ALPI: variants seen among roughly 807,000 people sequenced by gnomAD.
ALPI encodes the protein intestinal-type alkaline phosphatase.
A neutral mutation model predicts 51.5 loss-of-function variants in ALPI; 50 were observed. The observed-to-expected ratio is 0.97, with a 90% CI of 0.77 to 1.23. ALPI has a LOEUF of 1.23. ALPI is among the 50% of genes most tolerant of loss of function. ALPI has a pLI of 0.00. For synonymous variants in ALPI, 322 were observed against 308.2 expected, an observed-to-expected ratio of 1.04 and a Z score of -0.47; for missense variants, 692 against 722.4, an observed-to-expected ratio of 0.96 and a Z score of 0.48.
Position 232,460,711 on chromosome 2 carries a change from T to C in ALPI, c.*1565T>C, listed in dbSNP as rs1054028879. Among the ~76,000 whole-genome samples the C allele has an allele frequency of 4.6e-5, 7 of 152,364 alleles. No homozygotes were observed. Among genetic ancestry groups the C allele is most frequent in the Admixed American group, 1.3e-4 (2 of 15,308 alleles). The stretch of plus-strand genomic sequence containing the variant: ...TAACATCATTCAATATGCTTTCTTA[T>C]TTACTAAAACCTTGAAATAAAATTG... On this transcript the variant is annotated 3_prime_UTR_variant, in exon 11 of 11. Coordinates refer to ENST00000295463, the MANE Select transcript of ALPI (RefSeq NM_001631.5).
chr2:232,458,273 G>A lies in ALPI; in HGVS notation c.1048G>A (p.Ala350Thr), dbSNP rs767214282. 16 of 1,614,172 alleles carry A rather than the reference G, an allele frequency of 9.9e-6. No individual in the cohort carries two copies. Among genetic ancestry groups the A allele is most frequent in the Non-Finnish European group, 1.4e-5 (16 of 1,180,032 alleles). ...TGTGGCTTACCAGGCACTCACTGAG[G>A]CGGTCATGTTCGACGACGCCATTGA... ...EGVAYQALTE[A>T]VMFDDAIERA... Residue 350 changes from alanine (A) to threonine (T), a missense_variant, in exon 9 of 11, where the codon GCG (alanine) becomes ACG (threonine). Transcript: ENST00000295463.
At chr2:232,458,172 C>T (rs563036332) in intron 8 of ALPI, 40 bp downstream of exon 8, 77 of 1,613,490 alleles carry the variant, frequency 4.8e-5, no homozygotes, top group Middle Eastern at 1.6e-4. Flanking sequence ...AGGCGGGGCG[C>T]GGCAGGGCAG....
At position 232,458,122 on chromosome 2, in the gene ALPI, C is replaced by T. The variant is rs1424734478; in HGVS notation, c.981C>T (p.Leu327=). 1.2e-6 allele frequency: 2 copies of T among 1,614,026 alleles called. No individual in the cohort carries two copies. The highest frequency in any genetic ancestry group is 1.7e-5 in the Admixed American group (1 of 60,016). ...GCAGGAACCCCCGCGGCTTCTACCT[C>T]TTTGTGGAGGGTGCGTGGTGGCCCC... is the stretch of plus-strand genomic sequence containing the variant. ...LLSRNPRGFY[L]FVEGGRIDHG... is the part of the protein sequence containing the mutation. Residue 327 remains leucine (L), a synonymous_variant, in exon 8 of 11, where the codon CTC becomes CTT. Coordinates refer to ENST00000295463, the MANE Select transcript of ALPI (RefSeq NM_001631.5).
rs562288246 is a variant in ALPI, at chr2:232,458,199, C to T, written c.992-18C>T. The T allele has an allele frequency of 1.9e-6, 3 of 1,613,930 alleles. No individual in the cohort carries two copies. Among genetic ancestry groups the T allele is most frequent in the South Asian group, 1.1e-5 (1 of 91,064 alleles). On this transcript the variant is annotated intron_variant, in intron 8 of 10. Coordinates refer to ENST00000295463, the MANE Select transcript of ALPI (RefSeq NM_001631.5). ...GCAGGGCAGGTTCAAGCATCACCCC[C>T]CTCTGGCCTTCCTGCAGGCGGCCGC...
Position 232,456,177 on chromosome 2 carries a change from C to T in ALPI, c.-23C>T, listed in dbSNP as rs372878884. ...CCGGTTCCTGGTGTCCCCACTTCGC[C>T]TCCCTCCTGCTGCCCCCAAGACATG... On this transcript the variant is annotated 5_prime_UTR_variant, in exon 1 of 11. Transcript: ENST00000295463. This position sits in a 1 kb window ranked among gnomAD's most constrained non-coding sequence, Gnocchi z 4.2. 3.8e-5 allele frequency: 61 copies of T among 1,612,226 alleles called. No homozygotes were observed. Among genetic ancestry groups the T allele is most frequent in the Non-Finnish European group, 4.8e-5 (57 of 1,179,760 alleles).
rs948606722 is a variant in ALPI, at chr2:232,456,325, G to A, written c.68-24G>A. On this transcript the variant is annotated intron_variant, in intron 1 of 10. Transcript: ENST00000295463. This position sits in a 1 kb window ranked among gnomAD's most constrained non-coding sequence, Gnocchi z 4.2. ...GGCACCCCCTCAGCCAGGCTGACCT[G>A]ATCTCTACTCTCCCCCTGGCCAGCT... 3 of 1,614,110 alleles carry A rather than the reference G, an allele frequency of 1.9e-6. No individual in the cohort carries two copies. The highest frequency in any genetic ancestry group is 2.5e-6 in the Non-Finnish European group (3 of 1,180,010).
chr2:232,459,089 G>A lies in ALPI; in HGVS notation c.1530G>A (p.Ala510=), dbSNP rs1445885361. 1.9e-6 allele frequency: 3 copies of A among 1,541,962 alleles called. No homozygotes were observed. The highest frequency in any genetic ancestry group is 4.9e-5 in the East Asian group (2 of 40,914). ...CTTDAAHPVA[A]SLPLLAGTLL... ...CCGACGCCGCGCACCCAGTTGCCGC[G>A]TCGCTGCCACTGCTGGCCGGGACCC... The change falls in exon 11 of 11, where the codon GCG becomes GCA. Residue 510 remains alanine (A), a synonymous_variant. Coordinates refer to ENST00000295463, the MANE Select transcript of ALPI (RefSeq NM_001631.5).
rs1407170876 is a variant in ALPI at position 232,460,277 on chromosome 2, C to A, written c.*1131C>A. ...GGTGGGTGGGCAGAGTGGGGAAAGC[C>A]TGAGGGGTCAGGAGAGTGGGGTGTG... On this transcript the variant is annotated 3_prime_UTR_variant, in exon 11 of 11. Coordinates refer to ENST00000295463, the MANE Select transcript of ALPI (RefSeq NM_001631.5). Among the ~76,000 whole-genome samples the A allele has an allele frequency of 1.3e-5, 2 of 148,464 alleles. No homozygotes were observed. The highest frequency in any genetic ancestry group is 2.0e-4 in the East Asian group (1 of 5,066).
At chr2:232,458,818 A>G in intron 10 of ALPI, 42 bp from the exon 11 acceptor site, 1 of 1,607,200 alleles carries the variant, frequency 6.2e-7, no homozygotes, top group Non-Finnish European at 8.5e-7. Context: ...CGGGAGGGGG[A>G]CGCCGCCTGC....
Position 232,458,341 on chromosome 2 carries a change from C to T in ALPI, c.1116C>T (p.Leu372=), listed in dbSNP as rs758958271. ...CCAGCGAGGAGGACACGCTGACCCTCGTCACCGCTGACCACTCCCATGTCT... is the reference window on the plus strand; with the variant it reads ...CCAGCGAGGAGGACACGCTGACCCTTGTCACCGCTGACCACTCCCATGTCT... ...QLTSEEDTLT[L]VTADHSHVFS... The change falls in exon 9 of 11, where the codon CTC becomes CTT. Residue 372 remains leucine, a synonymous_variant. Transcript: ENST00000295463. 4.6e-5 allele frequency: 75 copies of T among 1,614,024 alleles called. No homozygotes were observed. Among genetic ancestry groups the T allele is most frequent in the Admixed American group, 8.3e-5 (5 of 60,004 alleles).
rs2106173757 is a variant in ALPI, at chr2:232,458,975, G to A, written c.1416G>A (p.Gln472=). The A allele has an allele frequency of 1.3e-6, 2 of 1,590,808 alleles. No homozygotes were observed. Among genetic ancestry groups the A allele is most frequent in the Non-Finnish European group, 8.6e-7 (1 of 1,169,142 alleles). The change falls in exon 11 of 11, where the codon CAG becomes CAA. Residue 472 remains glutamine (Q), a synonymous_variant. Transcript: ENST00000295463. ...AGGCGCACCTGGTGCATGGTGTGCA[G>A]GAGCAGAGCTTCGTAGCGCATGTCA... ...GPQAHLVHGV[Q]EQSFVAHVMA... is the part of the protein sequence containing the mutation.
In ALPI at chr2:232,459,481, A is replaced by C. The variant is rs1235971876; in HGVS notation, c.*335A>C. On this transcript the variant is annotated 3_prime_UTR_variant, in exon 11 of 11. Coordinates refer to ENST00000295463, the MANE Select transcript of ALPI (RefSeq NM_001631.5). ...ACAATAAAGGGACCAAAACCACCCA[A>C]CCCCCACCCTGCCTCTATCCTAAGG... 5.1e-5 allele frequency: 15 copies of C among 294,764 alleles called. No homozygotes were observed. The highest frequency in any genetic ancestry group is 9.9e-5 in the South Asian group (2 of 20,208). 18.3% of individuals were successfully genotyped at this position (294,764 alleles called of 1,614,324 possible).
rs1690217519 is a variant in ALPI at position 232,457,448 on chromosome 2, G to A, written c.649-117G>A. 12 of 1,547,012 alleles carry A rather than the reference G, an allele frequency of 7.8e-6. No homozygotes were observed. The highest frequency in any genetic ancestry group is 4.5e-5 in the East Asian group (2 of 44,440). ...AGGTGGAGTTGGGGATGTAGAATGTGCAATACAGGCTGGGCCATTCCCACA... is the reference window on the plus strand; with the variant it reads ...AGGTGGAGTTGGGGATGTAGAATGTACAATACAGGCTGGGCCATTCCCACA... On this transcript the variant is annotated intron_variant, in intron 5 of 10. Transcript: ENST00000295463. The surrounding 1 kb of genome is among the most constrained non-coding windows in gnomAD (Gnocchi z 4.7).
chr2:232,459,171 C>T lies in ALPI; in HGVS notation c.*25C>T. The T allele has an allele frequency of 6.6e-7, 1 of 1,518,790 alleles. No homozygotes were observed. Among genetic ancestry groups the T allele is most frequent in the South Asian group, 1.2e-5 (1 of 80,620 alleles). The allele number at this position is 1,518,790 out of a possible 1,614,324, so 94.1% of individuals were successfully genotyped here. The stretch of plus-strand genomic sequence containing the variant: ...AGTGCCCCACTCCGGAGTTATCCTG[C>T]TCCCCACCTCCGGGCGTCCTGCCCT... On this transcript the variant is annotated 3_prime_UTR_variant, in exon 11 of 11. Coordinates refer to ENST00000295463, the MANE Select transcript of ALPI (RefSeq NM_001631.5).
chr2:232,459,463 A>C lies in ALPI; in HGVS notation c.*317A>C. On this transcript the variant is annotated 3_prime_UTR_variant, in exon 11 of 11. Coordinates refer to ENST00000295463, the MANE Select transcript of ALPI (RefSeq NM_001631.5). ...CGGCTGCCTGCACCCCAGACAATAA[A>C]GGGACCAAAACCACCCAACCCCCAC... The C allele has an allele frequency of 2.8e-6, 1 of 360,586 alleles. No homozygotes were observed. Among genetic ancestry groups the C allele is most frequent in the Non-Finnish European group, 5.1e-6 (1 of 195,736 alleles). 22.3% of individuals were successfully genotyped at this position (360,586 alleles called of 1,614,324 possible).
At position 232,456,770 on chromosome 2, in the gene ALPI, G is replaced by T; in HGVS notation, c.300+75G>T. On this transcript the variant is annotated intron_variant, in intron 3 of 10. Coordinates refer to ENST00000295463, the MANE Select transcript of ALPI (RefSeq NM_001631.5). This position sits in a 1 kb window ranked among gnomAD's most constrained non-coding sequence, Gnocchi z 4.2. ...GGATATGGAGTGTGGCAGGAGGGAG[G>T]GAGCCAGGACAGCTGGGGCCTAAGT... 2.6e-6 allele frequency: 4 copies of T among 1,543,678 alleles called. No homozygotes were observed. The highest frequency in any genetic ancestry group is 3.5e-6 in the Non-Finnish European group (4 of 1,142,740).
rs200849703 is a variant in ALPI at position 232,458,145 on chromosome 2, C to G, written c.991+13C>G. On this transcript the variant is annotated intron_variant, in intron 8 of 10. Coordinates refer to ENST00000295463, the MANE Select transcript of ALPI (RefSeq NM_001631.5). ...CTCTTTGTGGAGGGTGCGTGGTGGC[C>G]CCTGGGGAGTGGAGGAAGGCGGGGC... The G allele has an allele frequency of 3.2e-5, 52 of 1,613,908 alleles. 1 individual carries two copies. The highest frequency in any genetic ancestry group is 2.7e-4 in the African/African-American group (20 of 75,020).
rs1162484154 is a variant in ALPI, at chr2:232,456,836, AG to A, written c.301-61del. The A allele has an allele frequency of 1.9e-5, 30 of 1,599,222 alleles. No homozygotes were observed. Among genetic ancestry groups the A allele is most frequent in the Non-Finnish European group, 2.5e-5 (29 of 1,171,844 alleles). Reference sequence around the variant, plus strand: ...GTTAGGATCCCAGAGGACCAGAACCAGGTCCTTGGTTGGGGTCTGGGTGTCC... The same window carrying A: ...GTTAGGATCCCAGAGGACCAGAACCAGTCCTTGGTTGGGGTCTGGGTGTCC... On this transcript the variant is annotated intron_variant, in intron 3 of 10. Transcript: ENST00000295463. This position sits in a 1 kb window ranked among gnomAD's most constrained non-coding sequence, Gnocchi z 4.2.
rs746380280 is a variant in ALPI, at chr2:232,456,952, C to A, written c.354C>A (p.Tyr118Ter). Residue 118 changes from tyrosine (Y) to a stop codon, truncating the protein, a stop_gained, in exon 4 of 11, where the codon TAC becomes TAA. Transcript: ENST00000295463. LOFTEE classifies it high-confidence loss of function. This position sits in a 1 kb window ranked among gnomAD's most constrained non-coding sequence, Gnocchi z 4.2. ...VPDSAATATA[Y>*]LCGVKANFQT... ...ACAGCGCAGCCACAGCCACGGCCTACCTGTGCGGGGTCAAGGCCAACTTCC... is the reference window on the plus strand; with the variant it reads ...ACAGCGCAGCCACAGCCACGGCCTAACTGTGCGGGGTCAAGGCCAACTTCC... The A allele has an allele frequency of 8.1e-6, 13 of 1,613,652 alleles. No individual in the cohort carries two copies. The South Asian group carries it at 9.9e-5, about 12-fold the overall frequency.
Sources: gnomAD v4.1 joint callset for allele counts (sites outside exome capture counted in the v4.1 genomes callset) on GRCh38, gnomAD v4.1.1 for gene constraint, Gnocchi (gnomAD v3.1) non-coding constraint, MANE v1.5 for transcripts, NCBI Gene and HGNC (gene_info 2026-07-23, HGNC 2026-07-21) for gene names.